The following UBXN4 variants were observed in gnomAD, a reference collection of about 807,000 sequenced individuals.
The protein encoded by UBXN4 is UBX domain-containing protein 4.
Under a neutral mutation model 66.2 loss-of-function variants are expected in UBXN4, and 35 were observed. The observed-to-expected ratio is 0.53, with a 90% CI of 0.40 to 0.70. UBXN4 has a LOEUF of 0.70. UBXN4 is among the 30% of genes least tolerant of loss of function. UBXN4 has a pLI of 0.00. For missense variants in UBXN4, 533 were observed against 599.8 expected (o/e 0.89, Z 1.16); for synonymous variants, 203 against 204.5 (o/e 0.99, Z 0.06).
intron 2 of UBXN4, among the ~76,000 whole-genome samples, chr2:135,752,112 A>T (rs1422243955): frequency 6.6e-6 from 1 of 151,970 alleles, no homozygotes; most frequent in African/African-American, 2.4e-5. Context: ...CAATGGCATG[A>T]TCTCGGCTCA....
chr2:135,760,611 T>C (rs371229883), intron 5 of UBXN4, among the ~76,000 whole-genome samples: 2 of 152,316 alleles, frequency 1.3e-5, no homozygotes, highest in African/African-American at 4.8e-5. Flanking sequence ...TTCCCCCAGC[T>C]TGTCCACAGG....
At chr2:135,757,659 T>C (rs551451153) in intron 5 of UBXN4, among the ~76,000 whole-genome samples, 1 of 152,348 alleles carries the variant, frequency 6.6e-6, no homozygotes, top group South Asian at 2.1e-4. Context: ...GATTTCATTA[T>C]ATTCCTGCAA....
intron 9 of UBXN4, among the ~76,000 whole-genome samples, chr2:135,773,054 A>AAAG (rs1393438524): frequency 6.0e-5 from 9 of 150,234 alleles, no homozygotes; most frequent in African/African-American, 1.7e-4. Context: ...AAAAAAAAAA[A>AAAG]AAAAGAGGGC....
chr2:135,749,107 G>A (rs1169890603), intron 2 of UBXN4, among the ~76,000 whole-genome samples: 1 of 151,906 alleles, frequency 6.6e-6, no homozygotes, highest in African/African-American at 2.4e-5. Context: ...CTTAAATTCT[G>A]ACTGCCGTTT....
At chr2:135,775,803 A>G (rs868174586) in intron 9 of UBXN4, among the ~76,000 whole-genome samples, 2 of 152,240 alleles carry the variant, frequency 1.3e-5, no homozygotes, top group Non-Finnish European at 2.9e-5. Flanking sequence ...GTCTCGCTCT[A>G]TTGCCTAGGC....
At chr2:135,770,495 G>T (rs185549712) in intron 7 of UBXN4, 76 bp from the exon 8 acceptor site, 2 of 1,055,850 alleles carry the variant, frequency 1.9e-6, no homozygotes, top group Admixed American at 7.3e-5. Context: ...TTTAACTGCA[G>T]TTTTCGTTGC....
chr2:135,777,743 C>T (rs1189029939), intron 10 of UBXN4, among the ~76,000 whole-genome samples: 2 of 151,372 alleles, frequency 1.3e-5, no homozygotes, highest in Non-Finnish European at 1.5e-5. Context: ...ATTAGCCGGG[C>T]GTGGTGGTGG....
intron 6 of UBXN4, among the ~76,000 whole-genome samples, chr2:135,768,649 C>T (rs528684991): frequency 1.5e-4 from 23 of 151,658 alleles, no homozygotes; most frequent in Non-Finnish European, 2.9e-4. Context: ...CTGCAACTTC[C>T]GCCTCCCAGG....
At chr2:135,782,470 C>T (rs1330912363) in intron 12 of UBXN4, among the ~76,000 whole-genome samples, 2 of 152,156 alleles carry the variant, frequency 1.3e-5, no homozygotes, top group Non-Finnish European at 2.9e-5. Context: ...GGTCACACTC[C>T]TCTAATGCTT....
chr2:135,782,821 A>G lies in UBXN4; in HGVS notation c.1461A>G (p.Leu487=), dbSNP rs748757422. The G allele has an allele frequency of 1.9e-6, 3 of 1,614,000 alleles. No individual in the cohort carries two copies. Among genetic ancestry groups the G allele is most frequent in the East Asian group, 2.2e-5 (1 of 44,874 alleles). ...DFKKEGKIYR[L]RTQDDGEDEN... ...AAAAGGAGGGGAAAATTTATAGATT[A>G]AGGACTCAAGATGATGGTGAAGATG... Residue 487 remains leucine, a synonymous_variant, in exon 13 of 13, where the codon TTA becomes TTG. Coordinates refer to ENST00000272638, the MANE Select transcript of UBXN4 (RefSeq NM_014607.4).
chr2:135,751,632 A>T (rs1404952607), intron 2 of UBXN4, among the ~76,000 whole-genome samples: 1 of 151,058 alleles, frequency 6.6e-6, no homozygotes, highest in Non-Finnish European at 1.5e-5. Flanking sequence ...ATAATAACTA[A>T]GTCACCCAAT....
chr2:135,747,390 G>C (rs1173956016), intron 1 of UBXN4, among the ~76,000 whole-genome samples: 1 of 147,992 alleles, frequency 6.8e-6, no homozygotes, highest in African/African-American at 2.5e-5. Context: ...AACGTTTTCA[G>C]CATTCCAGAA....
chr2:135,748,168 TG>T, intron 1 of UBXN4, 98 bp from the exon 2 acceptor site: 1 of 865,232 alleles, frequency 1.2e-6, no homozygotes, highest in Non-Finnish European at 1.7e-6. Flanking sequence ...GTGGTATAGG[TG>T]GGATTATATT....
chr2:135,775,646 G>A (rs1239600932), intron 9 of UBXN4, among the ~76,000 whole-genome samples: 1 of 152,178 alleles, frequency 6.6e-6, no homozygotes, highest in Non-Finnish European at 1.5e-5. Context: ...GATGGGGAGT[G>A]ACTGCTGATG....
intron 2 of UBXN4, among the ~76,000 whole-genome samples, chr2:135,749,129 C>T (rs1016655255): frequency 1.3e-5 from 2 of 152,100 alleles, no homozygotes; most frequent in Admixed American, 6.6e-5. Flanking sequence ...CTAAATTCAT[C>T]ATGAATCCTG....
At chr2:135,778,784 C>T (rs946796686) in intron 10 of UBXN4, among the ~76,000 whole-genome samples, 164 bp from the exon 11 acceptor site, 1 of 152,164 alleles carries the variant, frequency 6.6e-6, no homozygotes, top group African/African-American at 2.4e-5. Context: ...GATAGCTTTT[C>T]AGCTGCTTAG....
chr2:135,778,289 T>TA (rs549877657), intron 10 of UBXN4, among the ~76,000 whole-genome samples: 390 of 144,136 alleles, frequency 2.7e-3, no homozygotes, highest in African/African-American at 5.3e-3. Context: ...TGATCTACAG[T>TA]AAAAAAAAAA....
intron 6 of UBXN4, among the ~76,000 whole-genome samples, chr2:135,765,061 G>GC (rs1048277551): frequency 7.9e-5 from 12 of 152,164 alleles, no homozygotes; most frequent in African/African-American, 2.6e-4. Context: ...TAATCCACCC[G>GC]CCTTGGCTTC....
At chr2:135,760,893 C>T (rs560877803) in intron 5 of UBXN4, among the ~76,000 whole-genome samples, 2 of 152,268 alleles carry the variant, frequency 1.3e-5, no homozygotes, top group South Asian at 4.1e-4. Flanking sequence ...GGTTATGCCC[C>T]TGAATGGGGA....
Sources: gnomAD v4.1 joint callset for allele counts (sites outside exome capture counted in the v4.1 genomes callset) on GRCh38, gnomAD v4.1.1 for gene constraint, MANE v1.5 for transcripts, NCBI Gene and HGNC (gene_info 2026-07-23, HGNC 2026-07-21) for gene names.